Variants in EFCAB5 observed in about 807,000 individuals in gnomAD.
The protein encoded by EFCAB5 is EF-hand calcium binding domain 5.
EFCAB5 carries 131 observed loss-of-function variants against 167.9 expected under a neutral mutation model. The observed-to-expected ratio is 0.78, with a 90% CI of 0.68 to 0.90. The LOEUF (loss-of-function observed/expected upper bound fraction) is 0.90. Ranked by LOEUF, EFCAB5 falls within the 40% of genes least tolerant of loss-of-function variation. The pLI, the probability that EFCAB5 is intolerant of heterozygous loss-of-function variation, is 0.00. For synonymous variants in EFCAB5, 574 were observed against 602.8 expected, an observed-to-expected ratio of 0.95 and a Z score of 0.70; for missense variants, 1,663 against 1,745.2, an observed-to-expected ratio of 0.95 and a Z score of 0.84.
chr17:29,970,637 GACACACAC>G (rs34545008), intron 4 of EFCAB5, among the ~76,000 whole-genome samples: 4 of 138,744 alleles, frequency 2.9e-5, no homozygotes, highest in African/African-American at 8.3e-5. Context: ...CTCAAAAACA[GACACACAC>G]ACACACACAC....
intron 22 of EFCAB5, among the ~76,000 whole-genome samples, chr17:30,104,008 T>C (rs1335871418): frequency 6.6e-6 from 1 of 152,156 alleles, no homozygotes; most frequent in South Asian, 2.1e-4. Flanking sequence ...CAAAACTCCA[T>C]CTAAAAAAGA....
chr17:30,078,473 T>C lies in EFCAB5; in HGVS notation c.2996T>C (p.Val999Ala), dbSNP rs773208910. Residue 999 changes from valine to alanine, a missense_variant, in exon 15 of 23, where the codon GTG (valine) becomes GCG (alanine). Physicochemically the swap from Val to Ala is moderately conservative, Grantham distance 64. Coordinates refer to ENST00000394835, the MANE Select transcript of EFCAB5 (RefSeq NM_198529.4). The part of the protein sequence containing the change: ...AETSGVSLEP[V>A]YSETFKALMQ... ...ACAAGTGGGGTGTCCCTAGAGCCGG[T>C]GTATAGTGAGACCTTTAAGGCCCTC... The C allele has an allele frequency of 1.2e-6, 2 of 1,610,846 alleles. No individual in the cohort carries two copies. The highest frequency in any genetic ancestry group is 2.7e-5 in the African/African-American group (2 of 74,972).
At chr17:29,980,368 G>T (rs1239439365) in intron 4 of EFCAB5, among the ~76,000 whole-genome samples, 1 of 152,196 alleles carries the variant, frequency 6.6e-6, no homozygotes, top group African/African-American at 2.4e-5. Flanking sequence ...AAAAGCAGTT[G>T]TCCGTATACA....
chr17:29,969,213 C>T lies in EFCAB5; in HGVS notation c.613C>T (p.Pro205Ser). 6.2e-7 allele frequency: 1 copy of T among 1,613,778 alleles called. No homozygotes were observed. The highest frequency in any genetic ancestry group is 1.3e-5 in the African/African-American group (1 of 74,998). ...GAAGGTTTTGACAGAAGCTGATACT[C>T]CAAGCAAGTTTGACCCAATTAATTA... is the stretch of plus-strand genomic sequence containing the variant. ...KKKVLTEADT[P>S]SKFDPINYLG... Residue 205 changes from proline to serine, a missense_variant, in exon 4 of 23, where the codon CCA (proline) becomes TCA (serine). Transcript: ENST00000394835.
intron 14 of EFCAB5, chr17:30,068,590 A>T (rs1348620704): frequency 5.0e-6 from 6 of 1,209,256 alleles, no homozygotes; most frequent in African/African-American, 3.1e-5. Context: ...AGCTGCTGAC[A>T]TGGGCAGGTC....
At chr17:30,096,669 A>ATTTTTTTT (rs1567776810) in intron 22 of EFCAB5, among the ~76,000 whole-genome samples, 1 of 59,842 alleles carries the variant, frequency 1.7e-5, no homozygotes, top group African/African-American at 8.4e-5. Context: ...ATATATATAT[A>ATTTTTTTT]TATATATATT....
intron 7 of EFCAB5, among the ~76,000 whole-genome samples, chr17:30,003,043 A>G (rs2068694932): frequency 7.8e-6 from 1 of 127,412 alleles, no homozygotes; most frequent in Non-Finnish European, 1.6e-5. Flanking sequence ...ATAATCCCAC[A>G]TGTTGCTGAG....
At chr17:30,031,960 C>T (rs2069491598) in intron 7 of EFCAB5, 2 of 151,842 alleles carry the variant, frequency 1.3e-5, no homozygotes, top group African/African-American at 2.4e-5. Flanking sequence ...AGTCTTGTGA[C>T]CAAGGCTGCA....
Position 30,074,952 on chromosome 17 carries a change from C to T in EFCAB5, c.2738-3263C>T, listed in dbSNP as rs548021251. ...GATGTAGAAACTGTGTGTGTGTGTG[C>T]GTGCATGCCTGTGTATGTAAATGTA... On this transcript the variant is annotated intron_variant, in intron 14 of 22. Transcript: ENST00000394835. Among the ~76,000 whole-genome samples the T allele has an allele frequency of 3.0e-4, 46 of 151,964 alleles. No homozygotes were observed. The South Asian group carries it at 5.0e-3, about 16-fold the overall frequency.
chr17:29,971,204 A>T (rs2067948579), intron 4 of EFCAB5, among the ~76,000 whole-genome samples: 1 of 152,172 alleles, frequency 6.6e-6, no homozygotes, highest in African/African-American at 2.4e-5. Context: ...ATCTGGATGT[A>T]GTCTGAAGAC....
intron 8 of EFCAB5, among the ~76,000 whole-genome samples, chr17:30,043,124 A>G (rs1481949061): frequency 2.6e-5 from 4 of 152,136 alleles, no homozygotes; most frequent in Admixed American, 2.6e-4. Context: ...TCTCTTAGAA[A>G]AAAAGCTATC....
chr17:29,994,133 AATATATATATAT>A (rs55875315), intron 5 of EFCAB5, among the ~76,000 whole-genome samples: 5,622 of 55,874 alleles, frequency 0.1, 292 homozygotes, highest in South Asian at 0.26. Context: ...AACAACAACA[AATATATATATAT>A]ATATATATAT....
At position 30,070,282 on chromosome 17, in the gene EFCAB5, C is replaced by T. The variant is rs188342564; in HGVS notation, c.2738-7933C>T. The stretch of plus-strand genomic sequence containing the variant: ...AAATGACCATACTACCAAAAGCAAT[C>T]TACAGTTTCCATACAATCCTGATCA... On this transcript the variant is annotated intron_variant, in intron 14 of 22. Transcript: ENST00000394835. 1.2e-3 allele frequency among the ~76,000 whole-genome samples: 190 copies of T among 152,106 alleles called. 1 individual carries two copies. The highest frequency in any genetic ancestry group is 5.8e-3 in the Admixed American group (88 of 15,282).
At chr17:30,098,995 G>A (rs897170598) in intron 22 of EFCAB5, among the ~76,000 whole-genome samples, 2 of 152,120 alleles carry the variant, frequency 1.3e-5, no homozygotes, top group Non-Finnish European at 1.5e-5. Context: ...TCATTTTTGC[G>A]TGTGTGGCTG....
chr17:29,981,915 G>A lies in EFCAB5; in HGVS notation c.768-11250G>A, dbSNP rs553916759. ...TTATCATTTTATAAAATTCTGAAGA[G>A]GCCTAATTATTCATCTGCTTAAATA... is the stretch of plus-strand genomic sequence containing the variant. On this transcript the variant is annotated intron_variant, in intron 4 of 22. Coordinates refer to ENST00000394835, the MANE Select transcript of EFCAB5 (RefSeq NM_198529.4). 7.9e-5 allele frequency among the ~76,000 whole-genome samples: 12 copies of A among 151,962 alleles called. No homozygotes were observed. In the South Asian group the frequency reaches 2.5e-3, roughly 32 times the overall value.
At chr17:30,006,866 G>A (rs983742150) in intron 7 of EFCAB5, among the ~76,000 whole-genome samples, 2 of 152,048 alleles carry the variant, frequency 1.3e-5, no homozygotes, top group African/African-American at 2.4e-5. Context: ...TATGTTGCCC[G>A]GGCTGGTCTC....
In EFCAB5 at chr17:29,980,954, C is replaced by T. The variant is rs1020716114; in HGVS notation, c.767+11587C>T. 7.5e-4 allele frequency among the ~76,000 whole-genome samples: 115 copies of T among 152,318 alleles called. 4 individuals are homozygous for T. The highest frequency in any genetic ancestry group is 7.5e-3 in the Admixed American group (114 of 15,298). On this transcript the variant is annotated intron_variant, in intron 4 of 22. Coordinates refer to ENST00000394835, the MANE Select transcript of EFCAB5 (RefSeq NM_198529.4). ...GTTCATTTCTAGTCAGTCATTAAGTCCTGGTGATTTCACCTTCTTTTCTTA... is the reference window on the plus strand; with the variant it reads ...GTTCATTTCTAGTCAGTCATTAAGTTCTGGTGATTTCACCTTCTTTTCTTA...
At chr17:30,021,757 A>G (rs1292307750) in intron 7 of EFCAB5, among the ~76,000 whole-genome samples, 1 of 152,144 alleles carries the variant, frequency 6.6e-6, no homozygotes, top group Non-Finnish European at 1.5e-5. Context: ...ATCCCATATG[A>G]CATAGAAGTA....
In EFCAB5 at chr17:29,944,915, G is replaced by A. The variant is rs144130409; in HGVS notation, c.190+1266G>A. Among the ~76,000 whole-genome samples, 77 of 152,160 alleles carry A rather than the reference G, an allele frequency of 5.1e-4. No individual in the cohort carries two copies. In the East Asian group the frequency reaches 0.015, roughly 29 times the overall value. On this transcript the variant is annotated intron_variant, in intron 3 of 22. Coordinates refer to ENST00000394835, the MANE Select transcript of EFCAB5 (RefSeq NM_198529.4). ...TGGGATTACAAGTATGAGCCACTGT[G>A]CCCGGCCAACACTGTTTACTGTTTT...
Sources: gnomAD v4.1 joint callset for allele counts (sites outside exome capture counted in the v4.1 genomes callset) on GRCh38, gnomAD v4.1.1 for gene constraint, MANE v1.5 for transcripts, NCBI Gene and HGNC (gene_info 2026-07-23, HGNC 2026-07-21) for gene names.